ACSBG1: variants seen among roughly 807,000 people sequenced by gnomAD.
ACSBG1 encodes the protein acyl-CoA synthetase bubblegum family member 1.
ACSBG1 carries 39 observed loss-of-function variants against 80.2 expected under a neutral mutation model. The observed-to-expected ratio is 0.49, with a 90% CI of 0.38 to 0.64. The LOEUF (loss-of-function observed/expected upper bound fraction) is 0.64. Among genes scored for constraint, ACSBG1 ranks in the 30% least tolerant of loss-of-function variants. ACSBG1 has a pLI of 0.00. For missense variants in ACSBG1, 828 were observed against 966.4 expected (o/e 0.86, Z 1.90); for synonymous variants, 392 against 379.5 (o/e 1.03, Z -0.38).
intron 1 of ACSBG1, among the ~76,000 whole-genome samples, chr15:78,215,743 A>AAGAAAGAAAGAAAGAAAGG (rs1567096295): frequency 2.0e-5 from 2 of 101,396 alleles, no homozygotes; most frequent in Admixed American, 9.6e-5. Flanking sequence ...AGAAAGAAAG[A>AAGAAAGAAAGAAAGAAAGG]AAGAAAGAAA....
chr15:78,201,804 G>A (rs1024486276), intron 2 of ACSBG1, among the ~76,000 whole-genome samples: 2 of 152,236 alleles, frequency 1.3e-5, no homozygotes, highest in African/African-American at 4.8e-5. Flanking sequence ...AAGGCAGAAC[G>A]GTCAGAAGGG....
Position 78,234,558 on chromosome 15 carries a change from G to A in ACSBG1, c.-57C>T. The A allele has an allele frequency of 1.3e-6, 2 of 1,547,026 alleles. No individual in the cohort carries two copies. The highest frequency in any genetic ancestry group is 1.7e-6 in the Non-Finnish European group (2 of 1,144,908). On this transcript the variant is annotated 5_prime_UTR_variant, in exon 1 of 14. Coordinates refer to ENST00000258873, the MANE Select transcript of ACSBG1 (RefSeq NM_015162.5). The stretch of plus-strand genomic sequence containing the variant: ...TCACCCACTGAGAGAGGCTAGCCTT[G>A]AGTGAGCAGTGGGGGTGGGCATGGG...
intron 5 of ACSBG1, among the ~76,000 whole-genome samples, chr15:78,183,446 G>A (rs1295978574): frequency 2.6e-5 from 4 of 151,928 alleles, no homozygotes; most frequent in Non-Finnish European, 4.4e-5. Flanking sequence ...GTGTGGTGGT[G>A]CATGCCTGTA....
intron 6 of ACSBG1, 29 bp downstream of exon 6, chr15:78,182,676 C>A: frequency 6.2e-7 from 1 of 1,614,000 alleles, no homozygotes; most frequent in South Asian, 1.1e-5. Flanking sequence ...ATAGGCCCCA[C>A]CTGGCGCCCA....
At chr15:78,218,726 T>C (rs1272062337) in intron 1 of ACSBG1, among the ~76,000 whole-genome samples, 1 of 151,186 alleles carries the variant, frequency 6.6e-6, no homozygotes, top group Non-Finnish European at 1.5e-5. Flanking sequence ...CAGATAGTAA[T>C]GGGGATGATT....
intron 12 of ACSBG1, among the ~76,000 whole-genome samples, 183 bp from the exon 13 acceptor site, chr15:78,174,022 G>T (rs2074856402): frequency 6.6e-6 from 1 of 152,196 alleles, no homozygotes; most frequent in Non-Finnish European, 1.5e-5. Context: ...AAGGAGCAGT[G>T]ATCTGAGAAT....
At chr15:78,194,149 G>T in intron 3 of ACSBG1, 129 bp from the exon 4 acceptor site, 1 of 875,534 alleles carries the variant, frequency 1.1e-6, no homozygotes, top group Non-Finnish European at 1.8e-6. Context: ...CTCAGTCAGA[G>T]AATCCCCTTG....
At chr15:78,196,385 A>G (rs1349200984) in intron 2 of ACSBG1, among the ~76,000 whole-genome samples, 1 of 152,256 alleles carries the variant, frequency 6.6e-6, no homozygotes, top group Non-Finnish European at 1.5e-5. Flanking sequence ...CCTGGGTTCA[A>G]AAACCTCAAT....
intron 2 of ACSBG1, among the ~76,000 whole-genome samples, chr15:78,196,221 C>T (rs1456539628): frequency 6.6e-6 from 1 of 152,212 alleles, no homozygotes; most frequent in Non-Finnish European, 1.5e-5. Flanking sequence ...GAGTCAAGGG[C>T]CACTAGGCCC....
Position 78,169,043 on chromosome 15 carries a change from T to C in ACSBG1, c.*2401A>G, listed in dbSNP as rs773141812. The C allele has an allele frequency of 1.6e-6, 2 of 1,271,012 alleles. No homozygotes were observed. The highest frequency in any genetic ancestry group is 1.7e-5 in the Admixed American group (1 of 58,336). 78.7% of individuals were successfully genotyped at this position (1,271,012 alleles called of 1,614,324 possible). A position where few individuals can be genotyped will look rare whatever the true frequency, so the allele number is the denominator to read the frequency against. Reference sequence around the variant, plus strand: ...TGGCATTTACATCAGTCACTCTAAATGGACACCACATGAACCTCTGTTTAG... The same window carrying C: ...TGGCATTTACATCAGTCACTCTAAACGGACACCACATGAACCTCTGTTTAG... On this transcript the variant is annotated 3_prime_UTR_variant, in exon 14 of 14. Transcript: ENST00000258873.
At chr15:78,228,435 AC>A (rs1386353060) in intron 1 of ACSBG1, among the ~76,000 whole-genome samples, 1 of 152,044 alleles carries the variant, frequency 6.6e-6, no homozygotes, top group African/African-American at 2.4e-5. Context: ...GACCTAAAAA[AC>A]CTGCTTGCCT....
rs1456375803 is a variant in ACSBG1, at chr15:78,173,472, C to T, written c.2089+121G>A. The T allele has an allele frequency of 1.0e-5, 14 of 1,400,364 alleles. No homozygotes were observed. The African/African-American group carries it at 1.0e-4, about 10-fold the overall frequency. 86.7% of individuals were successfully genotyped at this position (1,400,364 alleles called of 1,614,324 possible). On this transcript the variant is annotated intron_variant, in intron 13 of 13. Transcript: ENST00000258873. Reference sequence around the variant, plus strand: ...TCTAACAGGAAGTAGATGGGTGTCACCCAGATTCCTGCCATGACCTTCTCT... The same window carrying T: ...TCTAACAGGAAGTAGATGGGTGTCATCCAGATTCCTGCCATGACCTTCTCT...
chr15:78,182,670 G>A (rs1429318997), intron 6 of ACSBG1, 35 bp downstream of exon 6: 2 of 1,613,964 alleles, frequency 1.2e-6, no homozygotes, highest in Non-Finnish European at 1.7e-6. Context: ...GGCCCAATAG[G>A]CCCCACCTGG....
chr15:78,219,204 GATT>G (rs2075339180), intron 1 of ACSBG1, among the ~76,000 whole-genome samples: 1 of 152,090 alleles, frequency 6.6e-6, no homozygotes, highest in African/African-American at 2.4e-5. Flanking sequence ...AGCAACACAG[GATT>G]TCCTAGGAAG....
In ACSBG1 at chr15:78,180,779, T is replaced by A. The variant is rs771925659; in HGVS notation, c.1229A>T (p.Glu410Val). ...MLLWAMSVTL[E>V]QNLTCPGSDL... ...CCTGCCGGGGCAGGTGAGGTTCTGC[T>A]CCAAGGTCACCGACATGGCCCACAG... Residue 410 changes from glutamate to valine, a missense_variant, in exon 9 of 14, where the codon GAG becomes GTG. Transcript: ENST00000258873. 5.6e-6 allele frequency: 9 copies of A among 1,613,942 alleles called. No individual in the cohort carries two copies. The African/African-American group carries it at 1.2e-4, about 22-fold the overall frequency.
chr15:78,195,168 C>T (rs1044127881), intron 2 of ACSBG1, among the ~76,000 whole-genome samples: 1 of 152,140 alleles, frequency 6.6e-6, no homozygotes, highest in East Asian at 1.9e-4. Flanking sequence ...AACGACCCTC[C>T]CGAGGGTCTG....
At chr15:78,225,010 TAATA>T (rs2075388591) in intron 1 of ACSBG1, among the ~76,000 whole-genome samples, 1 of 152,160 alleles carries the variant, frequency 6.6e-6, no homozygotes, top group Admixed American at 6.6e-5. Flanking sequence ...GTGTTGGAAT[TAATA>T]AATAAATTTA....
intron 1 of ACSBG1, among the ~76,000 whole-genome samples, chr15:78,216,967 C>G (rs1198740954): frequency 1.3e-5 from 2 of 152,260 alleles, no homozygotes. Flanking sequence ...AGCCCAGGCT[C>G]TGTTTCAGTT....
intron 7 of ACSBG1, 100 bp downstream of exon 7, chr15:78,182,366 G>A: frequency 6.7e-7 from 1 of 1,501,570 alleles, no homozygotes; most frequent in East Asian, 2.4e-5. Context: ...GAGCAGAGGG[G>A]CCCAAGGAGC....
Sources: gnomAD v4.1 joint callset for allele counts (sites outside exome capture counted in the v4.1 genomes callset) on GRCh38, gnomAD v4.1.1 for gene constraint, MANE v1.5 for transcripts, NCBI Gene and HGNC (gene_info 2026-07-23, HGNC 2026-07-21) for gene names.